Variants in NUP98 observed in about 807,000 individuals in gnomAD.
NUP98 encodes nuclear pore complex protein Nup98-Nup96.
In NUP98, 26 loss-of-function variants were observed where a neutral mutation model predicts 191.9. The ratio of observed to expected loss-of-function variants is 0.14; its 90% CI spans 0.10 to 0.19. The LOEUF (loss-of-function observed/expected upper bound fraction) is 0.19, where lower values mean the gene tolerates loss of function less well. Among genes scored for constraint, NUP98 ranks in the 10% least tolerant of loss-of-function variants. The pLI is 1.00. For synonymous variants in NUP98, 808 were observed against 778.4 expected, an observed-to-expected ratio of 1.04 and a Z score of -0.63; for missense variants, 1,941 against 2,178.8, an observed-to-expected ratio of 0.89 and a Z score of 2.17.
intron 20 of NUP98, among the ~76,000 whole-genome samples, chr11:3,708,593 A>G (rs2078934813): frequency 6.6e-6 from 1 of 152,078 alleles, no homozygotes; most frequent in African/African-American, 2.4e-5. Context: ...AATGCCCTAT[A>G]TGTAAATTTT....
At chr11:3,793,838 C>T (rs1284100561) in intron 1 of NUP98, among the ~76,000 whole-genome samples, 1 of 151,890 alleles carries the variant, frequency 6.6e-6, no homozygotes, top group African/African-American at 2.4e-5. Context: ...GGTGTGGTGG[C>T]ACGCACCTGT....
intron 8 of NUP98, 140 bp downstream of exon 8, chr11:3,768,441 T>C: frequency 1.3e-6 from 1 of 777,016 alleles, no homozygotes; most frequent in Non-Finnish European, 1.9e-6. Context: ...AAAAAAACTT[T>C]GTTCTCTTCC....
intron 12 of NUP98, 126 bp from the exon 13 acceptor site, chr11:3,735,450 G>A (rs781200194): frequency 8.0e-5 from 33 of 411,446 alleles, no homozygotes; most frequent in Non-Finnish European, 1.3e-4. Context: ...CAGATCAATG[G>A]TATCATTGGG....
At chr11:3,681,927 A>C (rs1039543191) in intron 30 of NUP98, among the ~76,000 whole-genome samples, 1 of 152,316 alleles carries the variant, frequency 6.6e-6, no homozygotes, top group Middle Eastern at 3.4e-3. Context: ...TTTCATCTAC[A>C]CTGAAAATCT....
chr11:3,694,138 G>T (rs961439470), intron 26 of NUP98, among the ~76,000 whole-genome samples: 1 of 151,530 alleles, frequency 6.6e-6, no homozygotes, highest in Non-Finnish European at 1.5e-5. Flanking sequence ...TTGGGAGGCC[G>T]AGGTGGGTGG....
rs549227759 is a variant in NUP98 at position 3,779,363 on chromosome 11, T to A, written c.77-106A>T. The A allele has an allele frequency of 2.0e-5, 20 of 978,050 alleles. No homozygotes were observed. In the East Asian group the frequency reaches 4.1e-4, roughly 20 times the overall value. 60.6% of individuals were successfully genotyped at this position (978,050 alleles called of 1,614,324 possible). ...TTTCTTAAAATTCTGCATTTGAGGC[T>A]GTGCATGGTGGCTCACGCCTGTAAT... On this transcript the variant is annotated intron_variant, in intron 2 of 32. Transcript: ENST00000324932.
At chr11:3,761,706 C>T (rs141388869) in intron 9 of NUP98, among the ~76,000 whole-genome samples, 2,297 of 152,096 alleles carry the variant, frequency 0.015, 67 homozygotes, top group African/African-American at 0.052. Flanking sequence ...TGCAGTGAGC[C>T]GAGATCGCAC....
intron 27 of NUP98, chr11:3,693,020 C>A: frequency 2.1e-6 from 1 of 479,284 alleles, no homozygotes; most frequent in Non-Finnish European, 3.7e-6. Context: ...GAAGAAGAAC[C>A]CTCTGATTTA....
At chr11:3,755,953 A>C (rs907433432) in intron 10 of NUP98, among the ~76,000 whole-genome samples, 5 of 152,076 alleles carry the variant, frequency 3.3e-5, no homozygotes, top group Non-Finnish European at 7.4e-5. Context: ...ACAGAGAAAG[A>C]CTCCATCTCG....
intron 24 of NUP98, among the ~76,000 whole-genome samples, chr11:3,699,590 T>A (rs1465268560): frequency 6.6e-6 from 1 of 152,244 alleles, no homozygotes; most frequent in Non-Finnish European, 1.5e-5. Context: ...ATAACAAATG[T>A]AACCGTTAAA....
chr11:3,678,845 G>A (rs545588112), intron 31 of NUP98, among the ~76,000 whole-genome samples: 6 of 152,166 alleles, frequency 3.9e-5, no homozygotes, highest in Admixed American at 6.5e-5. Context: ...GCGTGCAGGC[G>A]TGCGGTAAGC....
In NUP98 at chr11:3,771,785, G is replaced by C. The variant is rs1374903544; in HGVS notation, c.747C>G (p.Gly249=). The change falls in exon 7 of 33, where the codon GGC becomes GGG. Residue 249 remains glycine, a synonymous_variant. Transcript: ENST00000324932. The stretch of plus-strand genomic sequence containing the variant: ...CAGTTTTGTTCTGACCATATGCAAA[G>C]CCTGAATTAGTGGTGGAGGAGCTGA... The part of the protein sequence containing the change: ...GLFSSSTTNS[G]FAYGQNKTAF... 6.2e-7 allele frequency: 1 copy of C among 1,614,128 alleles called. No individual in the cohort carries two copies. The highest frequency in any genetic ancestry group is 1.7e-5 in the Admixed American group (1 of 60,008).
At chr11:3,708,690 C>A (rs1272536808) in intron 20 of NUP98, among the ~76,000 whole-genome samples, 1 of 150,302 alleles carries the variant, frequency 6.7e-6, no homozygotes, top group East Asian at 1.9e-4. Flanking sequence ...ATCAGGTACC[C>A]TTTTTAGGCC....
rs143573567 is a variant in NUP98, at chr11:3,752,047, G to A, written c.1267+1269C>T. Among the ~76,000 whole-genome samples, 332 of 150,656 alleles carry A rather than the reference G, an allele frequency of 2.2e-3. 3 individuals are homozygous for A. The highest frequency in any genetic ancestry group is 7.6e-3 in the African/African-American group (312 of 40,946). On this transcript the variant is annotated intron_variant, in intron 11 of 32. Coordinates refer to ENST00000324932, the MANE Select transcript of NUP98 (RefSeq NM_016320.5). ...AAAAATTAGCTGGGTACGGTGGCGT[G>A]CGACTGTAGTCCCAGCTACTCGGGA...
intron 1 of NUP98, among the ~76,000 whole-genome samples, chr11:3,791,170 C>A (rs2082331623): frequency 6.6e-6 from 1 of 152,048 alleles, no homozygotes. Flanking sequence ...GCTGGGATTA[C>A]AGGCGTGAGC....
At chr11:3,725,811 T>C (rs189089002) in intron 14 of NUP98, among the ~76,000 whole-genome samples, 5 of 151,992 alleles carry the variant, frequency 3.3e-5, no homozygotes, top group East Asian at 1.9e-4. Context: ...AAAGTTCAGG[T>C]TTTTCTCTTT....
At chr11:3,721,109 G>C (rs2079384550) in intron 16 of NUP98, 1 of 183,112 alleles carries the variant, frequency 5.5e-6, no homozygotes, top group South Asian at 1.7e-4. Flanking sequence ...TTAACCTCGT[G>C]TTTTTCCAGA....
chr11:3,740,191 T>C (rs936605217), intron 12 of NUP98, among the ~76,000 whole-genome samples: 4 of 151,946 alleles, frequency 2.6e-5, no homozygotes, highest in African/African-American at 9.7e-5. Flanking sequence ...TGAAGTAGAA[T>C]TGAAAACAGG....
At chr11:3,716,457 A>C (rs1349872017) in intron 18 of NUP98, among the ~76,000 whole-genome samples, 1 of 151,930 alleles carries the variant, frequency 6.6e-6, no homozygotes, top group Non-Finnish European at 1.5e-5. Flanking sequence ...TATAATCCCA[A>C]CACTTTGGGA....
Sources: allele counts gnomAD v4.1 joint callset (sites outside exome capture counted in the v4.1 genomes callset), GRCh38; gene constraint gnomAD v4.1.1; transcripts MANE v1.5; gene names NCBI Gene and HGNC (gene_info 2026-07-23, HGNC 2026-07-21).